ZNF585A: variants seen among roughly 807,000 people sequenced by gnomAD.
ZNF585A encodes zinc finger protein 585A.
In ZNF585A, 9 loss-of-function variants were observed where a neutral mutation model predicts 14.9. The ratio of observed to expected loss-of-function variants is 0.60; its 90% confidence interval spans 0.36 to 1.05. The LOEUF is 1.05. ZNF585A is among the 50% of genes least tolerant of loss of function. ZNF585A has a pLI of 0.01. For missense variants in ZNF585A, 726 were observed against 926.4 expected (o/e 0.78, Z 2.81); for synonymous variants, 276 against 319.9 (o/e 0.86, Z 1.46).
rs761741196 is a variant in ZNF585A, at chr19:37,169,921, G to C, written c.-11C>G. On this transcript the variant is annotated 5_prime_UTR_variant, in exon 2 of 5. Transcript: ENST00000292841. ...CCAATTAGCTGGCATGGCCACACTG[G>C]GTCTCAACCCTTTTTCTGTAGGGTG... 1.9e-6 allele frequency: 3 copies of C among 1,611,670 alleles called. No homozygotes were observed. Among genetic ancestry groups the C allele is most frequent in the Non-Finnish European group, 2.5e-6 (3 of 1,179,778 alleles).
chr19:37,156,963 A>T (rs1458788440), intron 2 of ZNF585A, among the ~76,000 whole-genome samples: 3 of 152,206 alleles, frequency 2.0e-5, no homozygotes, highest in Admixed American at 6.6e-5. Context: ...AAGTGCTGGG[A>T]TTATGCGTGA....
chr19:37,145,572 CTT>C lies in ZNF585A; in HGVS notation c.*6015_*6016del, dbSNP rs1394802528. On this transcript the variant is annotated 3_prime_UTR_variant, in exon 5 of 5. Transcript: ENST00000292841. Reference sequence around the variant, plus strand: ...GATTGGCATTTATTATAGGCACAAACTTAATATAACTCAAATGATTGTACTAA... The same window carrying C: ...GATTGGCATTTATTATAGGCACAAACAATATAACTCAAATGATTGTACTAA... The C allele has an allele frequency of 2.0e-5, 3 of 152,178 alleles. No homozygotes were observed. The highest frequency in any genetic ancestry group is 4.4e-5 in the Non-Finnish European group (3 of 68,036). 9.4% of individuals were successfully genotyped at this position (152,178 alleles called of 1,614,324 possible). A position where few individuals can be genotyped will look rare whatever the true frequency, so the allele number is the denominator to read the frequency against.
intron 2 of ZNF585A, 76 bp downstream of exon 2, chr19:37,169,763 A>G (rs1972151793): frequency 6.4e-6 from 10 of 1,568,590 alleles, no homozygotes; most frequent in Non-Finnish European, 8.7e-6. Flanking sequence ...TCCCTCAGTC[A>G]TGAGGTTCTA....
Position 37,149,126 on chromosome 19 carries a change from C to T in ZNF585A, c.*2463G>A, listed in dbSNP as rs1971783333. On this transcript the variant is annotated 3_prime_UTR_variant, in exon 5 of 5. Transcript: ENST00000292841. ...ACAAGACACATTCTATGGTGTTACACCAAGGATGAACCCTAATATAACCTA... is the reference window on the plus strand; with the variant it reads ...ACAAGACACATTCTATGGTGTTACATCAAGGATGAACCCTAATATAACCTA... The T allele has an allele frequency of 6.6e-6, 1 of 152,050 alleles. No homozygotes were observed. Among genetic ancestry groups the T allele is most frequent in the Non-Finnish European group, 1.5e-5 (1 of 68,026 alleles). The allele number at this position is 152,050 out of a possible 1,614,324, so 9.4% of individuals were successfully genotyped here.
At chr19:37,162,692 G>A (rs1972030525) in intron 2 of ZNF585A, among the ~76,000 whole-genome samples, 1 of 152,160 alleles carries the variant, frequency 6.6e-6, no homozygotes, top group Admixed American at 6.5e-5. Context: ...CATGGATGGA[G>A]CTGGAGGTGA....
intron 2 of ZNF585A, among the ~76,000 whole-genome samples, chr19:37,168,044 AATG>A (rs1454242899): frequency 6.6e-6 from 1 of 152,232 alleles, no homozygotes; most frequent in African/African-American, 2.4e-5. Context: ...TGGCATATTT[AATG>A]ATTTCTGTTC....
At chr19:37,156,179 A>G (rs1428427892) in intron 3 of ZNF585A, 50 bp downstream of exon 3, 8 of 1,601,028 alleles carry the variant, frequency 5.0e-6, no homozygotes, top group Non-Finnish European at 6.8e-6. Flanking sequence ...CTGAGAATGA[A>G]AACACTCTCA....
chr19:37,149,809 G>C lies in ZNF585A; in HGVS notation c.*1780C>G, dbSNP rs555488924. ...GGGTCCATCATTCCATTGTGCCTTG[G>C]GGGGAACTCAGAGGAAAAGGTCTAT... On this transcript the variant is annotated 3_prime_UTR_variant, in exon 5 of 5. Transcript: ENST00000292841. 2.6e-5 allele frequency: 4 copies of C among 152,168 alleles called. No homozygotes were observed. Among genetic ancestry groups the C allele is most frequent in the African/African-American group, 7.2e-5 (3 of 41,396 alleles). 9.4% of individuals were successfully genotyped at this position (152,168 alleles called of 1,614,324 possible). A position where few individuals can be genotyped will look rare whatever the true frequency, so the allele number is the denominator to read the frequency against.
chr19:37,160,343 A>AAAACAAAT (rs1971994278), intron 2 of ZNF585A, among the ~76,000 whole-genome samples: 1 of 138,874 alleles, frequency 7.2e-6, no homozygotes, highest in Non-Finnish European at 1.5e-5. Context: ...ACCTGTCTCA[A>AAAACAAAT]AAATAAATAA....
chr19:37,168,156 A>T (rs779541754), intron 2 of ZNF585A, among the ~76,000 whole-genome samples: 2 of 152,228 alleles, frequency 1.3e-5, no homozygotes, highest in African/African-American at 4.8e-5. Flanking sequence ...AGTATGAACC[A>T]TCCTCTTCAT....
Position 37,154,073 on chromosome 19 carries a change from C to T in ZNF585A, c.293-467G>A, listed in dbSNP as rs182893716. Among the ~76,000 whole-genome samples, 12 of 152,216 alleles carry T rather than the reference C, an allele frequency of 7.9e-5. No individual in the cohort carries two copies. The East Asian group carries it at 2.3e-3, about 29-fold the overall frequency. ...TGATTTTAGTTCAAAGAACAGCTAGCAGAGGCTAGGGGGTATGGTACAAAT... is the reference window on the plus strand; with the variant it reads ...TGATTTTAGTTCAAAGAACAGCTAGTAGAGGCTAGGGGGTATGGTACAAAT... On this transcript the variant is annotated intron_variant, in intron 4 of 4. Transcript: ENST00000292841.
At chr19:37,154,108 A>G (rs947028606) in intron 4 of ZNF585A, among the ~76,000 whole-genome samples, 2 of 152,246 alleles carry the variant, frequency 1.3e-5, no homozygotes, top group African/African-American at 4.8e-5. Context: ...TGACTCATCC[A>G]GGCTGAACAC....
At position 37,146,729 on chromosome 19, in the gene ZNF585A, T is replaced by TC. The variant is rs1971748174; in HGVS notation, c.*4859dup. On this transcript the variant is annotated 3_prime_UTR_variant, in exon 5 of 5. Transcript: ENST00000292841. ...ATGGGAGTGGCCCCCTGCCTATGGATCCCCCACTCCTGCCCCTTTCCCCCT... is the reference window on the plus strand; with the variant it reads ...ATGGGAGTGGCCCCCTGCCTATGGATCCCCCCACTCCTGCCCCTTTCCCCCT... 6.6e-6 allele frequency: 1 copy of TC among 152,278 alleles called. No individual in the cohort carries two copies. The highest frequency in any genetic ancestry group is 1.5e-5 in the Non-Finnish European group (1 of 68,370). The allele number at this position is 152,278 out of a possible 1,614,324, so 9.4% of individuals were successfully genotyped here. A position where few individuals can be genotyped will look rare whatever the true frequency, so the allele number is the denominator to read the frequency against.
chr19:37,151,603 T>C lies in ZNF585A; in HGVS notation c.2296A>G (p.Ser766Gly). 1.2e-6 allele frequency: 2 copies of C among 1,613,248 alleles called. No homozygotes were observed. Among genetic ancestry groups the C allele is most frequent in the African/African-American group, 1.3e-5 (1 of 75,044 alleles). Residue 766 changes from serine (S) to glycine (G), a missense_variant, in exon 5 of 5, where the codon AGC becomes GGC. Ser to Gly is a moderately conservative substitution (Grantham distance 56, BLOSUM62 0). This residue lies in a region of ZNF585A where 243 missense variants were observed against 383.6 expected (regional missense o/e 0.63). Coordinates refer to ENST00000292841, the MANE Select transcript of ZNF585A (RefSeq NM_001288800.2). The part of the protein sequence containing the change: ...VQKSVFSVHQ[S>G]SHA The stretch of plus-strand genomic sequence containing the variant: ...CACTGTTTCTCTCAAGCGTGGCTGC[T>C]CTGATGGACGCTGAACACTGATTTC...
rs1246686404 is a variant in ZNF585A at position 37,152,682 on chromosome 19, C to T, written c.1217G>A (p.Gly406Glu). Residue 406 changes from glycine to glutamate, a missense_variant, in exon 5 of 5, where the codon GGA becomes GAA. By Grantham distance (98) the Gly-to-Glu change is moderately conservative. Around this residue, in one of 2 missense-constraint regions of ZNF585A, gnomAD observed 483 missense variants for 542.8 expected, o/e 0.89. Transcript: ENST00000292841. The part of the protein sequence containing the change: ...ALTVHQRIHT[G>E]EKSYICMKCG... Reference sequence around the variant, plus strand: ...TTTCATGCATATATACGATTTTTCTCCTGTATGAATTCTCTGATGCACTGT... The same window carrying T: ...TTTCATGCATATATACGATTTTTCTTCTGTATGAATTCTCTGATGCACTGT... The T allele has an allele frequency of 1.9e-6, 3 of 1,613,906 alleles. No homozygotes were observed. Among genetic ancestry groups the T allele is most frequent in the African/African-American group, 1.3e-5 (1 of 74,992 alleles).
intron 2 of ZNF585A, among the ~76,000 whole-genome samples, chr19:37,166,316 CT>C (rs112585283): frequency 0.011 from 1,352 of 126,986 alleles, 47 homozygotes; most frequent in Admixed American, 0.057. Context: ...GCTGCCCAGT[CT>C]TTTTTTTTTT....
At chr19:37,166,750 T>G (rs1411503390) in intron 2 of ZNF585A, among the ~76,000 whole-genome samples, 1 of 152,214 alleles carries the variant, frequency 6.6e-6, no homozygotes, top group Non-Finnish European at 1.5e-5. Flanking sequence ...GTCTTTTTTT[T>G]TTTTAAACGT....
At chr19:37,172,438 A>AC (rs1216881942) in intron 1 of ZNF585A, 189 bp downstream of exon 1, 1 of 152,046 alleles carries the variant, frequency 6.6e-6, no homozygotes, top group African/African-American at 2.4e-5. Flanking sequence ...CCCATCACTG[A>AC]CCCCCAAACC....
intron 2 of ZNF585A, among the ~76,000 whole-genome samples, chr19:37,167,625 T>TTTTATTTTATTTTATTTTA (rs1972117103): frequency 6.8e-6 from 1 of 147,346 alleles, no homozygotes; most frequent in African/African-American, 2.7e-5. Context: ...TTTTATTTTA[T>TTTTATTTTATTTTATTTTA]TTTATTTTAT....
Sources: allele counts gnomAD v4.1 joint callset (sites outside exome capture counted in the v4.1 genomes callset), GRCh38; gene constraint gnomAD v4.1.1; regional missense constraint gnomAD v4.1.1; transcripts MANE v1.5; gene names NCBI Gene and HGNC (gene_info 2026-07-23, HGNC 2026-07-21).